The following PRPSAP2 variants were observed in gnomAD, a reference collection of about 807,000 sequenced individuals.
PRPSAP2 encodes phosphoribosyl pyrophosphate synthase-associated protein 2.
PRPSAP2 carries 24 observed loss-of-function variants against 40.6 expected under a neutral mutation model. That is an observed-to-expected ratio of 0.59 (90% CI 0.43 to 0.83). PRPSAP2 has a LOEUF of 0.83. PRPSAP2 is among the 40% of genes least tolerant of loss of function. The pLI, the probability that PRPSAP2 is intolerant of heterozygous loss-of-function variation, is 0.00. For synonymous variants in PRPSAP2, 149 were observed against 164.7 expected, an observed-to-expected ratio of 0.90 and a Z score of 0.73; for missense variants, 292 against 465.6, an observed-to-expected ratio of 0.63 and a Z score of 3.43.
At chr17:18,923,501 A>G (rs1024823003) in intron 9 of PRPSAP2, among the ~76,000 whole-genome samples, 4 of 145,300 alleles carry the variant, frequency 2.8e-5, no homozygotes, top group Non-Finnish European at 6.1e-5. Flanking sequence ...ACTTGGCTGA[A>G]TTCATATATT....
At chr17:18,878,634 C>A (rs1425079512) in intron 6 of PRPSAP2, among the ~76,000 whole-genome samples, 3 of 148,906 alleles carry the variant, frequency 2.0e-5, no homozygotes, top group African/African-American at 7.4e-5. Flanking sequence ...CTTCGCTCAC[C>A]ACAACCTCCA....
chr17:18,906,110 C>A lies in PRPSAP2; in HGVS notation c.585-4993C>A, dbSNP rs541055655. Among the ~76,000 whole-genome samples, 3 of 152,294 alleles carry A rather than the reference C, an allele frequency of 2.0e-5. No homozygotes were observed. In the South Asian group the frequency reaches 6.2e-4, roughly 32 times the overall value. On this transcript the variant is annotated intron_variant, in intron 8 of 11. Transcript: ENST00000268835. ...GTTTTTGACCTGAACAGTCTTGCTCCTGTGAAGGTTTATCATCTTTTCCTT... is the reference window on the plus strand; with the variant it reads ...GTTTTTGACCTGAACAGTCTTGCTCATGTGAAGGTTTATCATCTTTTCCTT...
At chr17:18,866,782 A>G (rs28521262) in intron 3 of PRPSAP2, among the ~76,000 whole-genome samples, 2,023 of 152,270 alleles carry the variant, frequency 0.013, 42 homozygotes, top group African/African-American at 0.046. Context: ...AAACAAGGTA[A>G]TTTCAGATGA....
intron 4 of PRPSAP2, among the ~76,000 whole-genome samples, chr17:18,870,784 G>A (rs9797255): frequency 0.53 from 79,028 of 149,756 alleles, 21,136 homozygotes; most frequent in Middle Eastern, 0.59. Context: ...ACTCCAGCCC[G>A]GGCAACAGAG....
rs60892883 is a variant in PRPSAP2 at position 18,914,249 on chromosome 17, C to CTTTTTTTTTTTTTTTTTTTT, written c.733+3005_733+3024dup. ...GAGTTCTGTCCTGAACATGTTTTTG[C>CTTTTTTTTTTTTTTTTTTTT]TTTTTTTTTTTTTTTTTTTTTTTTT... On this transcript the variant is annotated intron_variant, in intron 9 of 11. Coordinates refer to ENST00000268835, the MANE Select transcript of PRPSAP2 (RefSeq NM_002767.4). Among the ~76,000 whole-genome samples the CTTTTTTTTTTTTTTTTTTTT allele has an allele frequency of 1.1e-3, 54 of 48,102 alleles. 4 individuals carry two copies. The highest frequency in any genetic ancestry group is 1.6e-3 in the Non-Finnish European group (46 of 29,026). 31.6% of individuals were successfully genotyped at this position (48,102 alleles called of 152,430 possible). A position where few individuals can be genotyped will look rare whatever the true frequency, so the allele number is the denominator to read the frequency against.
chr17:18,868,142 A>C (rs542563798), intron 4 of PRPSAP2, among the ~76,000 whole-genome samples: 1 of 152,020 alleles, frequency 6.6e-6, no homozygotes, highest in Admixed American at 6.6e-5. Context: ...ATAAATAGAA[A>C]GTGATCTTTG....
intron 8 of PRPSAP2, among the ~76,000 whole-genome samples, chr17:18,899,708 AT>A (rs1174481583): frequency 6.7e-6 from 1 of 149,988 alleles, no homozygotes; most frequent in African/African-American, 2.5e-5. Context: ...TATTTTTGGT[AT>A]TTTTGGTAGA....
intron 8 of PRPSAP2, among the ~76,000 whole-genome samples, chr17:18,898,822 GT>G (rs1362506284): frequency 6.6e-6 from 1 of 152,132 alleles, no homozygotes; most frequent in Non-Finnish European, 1.5e-5. Context: ...GTCTTTTTGA[GT>G]ACTTTTTTAG....
At chr17:18,920,136 G>A (rs942879623) in intron 9 of PRPSAP2, among the ~76,000 whole-genome samples, 2 of 152,166 alleles carry the variant, frequency 1.3e-5, no homozygotes, top group Non-Finnish European at 1.5e-5. Flanking sequence ...TGGGACCATT[G>A]GTGAGATGAG....
chr17:18,857,858 T>A (rs539167935), upstream of PRPSAP2: 49 of 152,392 alleles, frequency 3.2e-4, no homozygotes, highest in African/African-American at 1.2e-3. Flanking sequence ...ACCCAGGTAT[T>A]TGTAATTCCA....
At chr17:18,915,497 C>T (rs534896871) in intron 9 of PRPSAP2, among the ~76,000 whole-genome samples, 7 of 152,236 alleles carry the variant, frequency 4.6e-5, no homozygotes, top group Admixed American at 3.9e-4. Flanking sequence ...TTATTTAGCT[C>T]ACAGTTCTTC....
intron 1 of PRPSAP2, chr17:18,860,537 A>G (rs1376839772): frequency 6.6e-6 from 1 of 152,184 alleles, no homozygotes; most frequent in Non-Finnish European, 1.5e-5. Flanking sequence ...CTGGACCTTA[A>G]ATTCTGATGG....
chr17:18,878,829 C>A (rs1400757307), intron 6 of PRPSAP2, among the ~76,000 whole-genome samples: 2 of 151,676 alleles, frequency 1.3e-5, no homozygotes, highest in African/African-American at 4.8e-5. Flanking sequence ...CAGGCGTAAG[C>A]CACTGCACCC....
At chr17:18,894,270 C>T (rs890161869) in intron 8 of PRPSAP2, among the ~76,000 whole-genome samples, 4 of 151,914 alleles carry the variant, frequency 2.6e-5, no homozygotes, top group African/African-American at 9.7e-5. Flanking sequence ...AGTGATTCTC[C>T]TGCCTCAGTC....
At chr17:18,856,963 G>A (rs567706035), upstream of PRPSAP2, among the ~76,000 whole-genome samples, 1 of 152,134 alleles carries the variant, frequency 6.6e-6, no homozygotes, top group East Asian at 1.9e-4. Context: ...AAGTTATAAA[G>A]AACTTAGGCA....
chr17:18,879,894 T>TC (rs796903931), intron 6 of PRPSAP2, among the ~76,000 whole-genome samples: 32 of 224 alleles, frequency 0.14, no homozygotes, highest in Middle Eastern at 0.5. Flanking sequence ...GGTTGGGAGT[T>TC]CAGAGCAGCC....
At chr17:18,882,760 C>A in intron 7 of PRPSAP2, 77 bp downstream of exon 7, 1 of 929,652 alleles carries the variant, frequency 1.1e-6, no homozygotes. Flanking sequence ...TTAGGATACC[C>A]CTAAAGGATT....
chr17:18,868,225 G>A (rs533552748), intron 4 of PRPSAP2, among the ~76,000 whole-genome samples: 72 of 152,288 alleles, frequency 4.7e-4, no homozygotes, highest in African/African-American at 1.7e-3. Flanking sequence ...TGTAATCCCA[G>A]CACTTTGGGA....
chr17:18,878,526 G>A (rs1199439223), intron 6 of PRPSAP2, among the ~76,000 whole-genome samples: 1 of 152,096 alleles, frequency 6.6e-6, no homozygotes, highest in Non-Finnish European at 1.5e-5. Flanking sequence ...TTGTGTGTGT[G>A]CGCGCTTGTA....
Sources: gnomAD v4.1 joint callset for allele counts (sites outside exome capture counted in the v4.1 genomes callset) on GRCh38, gnomAD v4.1.1 for gene constraint, MANE v1.5 for transcripts, NCBI Gene and HGNC (gene_info 2026-07-23, HGNC 2026-07-21) for gene names.